Variants in SPPL3 observed in about 807,000 individuals in gnomAD.
SPPL3 encodes the protein signal peptide peptidase like 3.
In SPPL3, 5 loss-of-function variants were observed where a neutral mutation model predicts 42.4. The observed-to-expected ratio is 0.12, with a 90% CI of 0.06 to 0.25. The LOEUF is 0.25. SPPL3 is among the 10% of genes least tolerant of loss of function. SPPL3 has a pLI of 1.00. For synonymous variants in SPPL3, 195 were observed against 181.8 expected (o/e 1.07, Z -0.58); for missense variants, 235 against 489.0 (o/e 0.48, Z 4.90).
Position 120,850,012 on chromosome 12 carries a change from C to T in SPPL3, c.24-39126G>A, listed in dbSNP as rs77692852. Reference sequence around the variant, plus strand: ...AGAAGTTTTCCTCAGCTGAGTCACCCGGCCATGGAAAACCCCAAGTTTGCA... The same window carrying T: ...AGAAGTTTTCCTCAGCTGAGTCACCTGGCCATGGAAAACCCCAAGTTTGCA... On this transcript the variant is annotated intron_variant, in intron 1 of 10. Coordinates refer to ENST00000353487, the MANE Select transcript of SPPL3 (RefSeq NM_139015.5). Among the ~76,000 whole-genome samples, 923 of 152,242 alleles carry T rather than the reference C, an allele frequency of 6.1e-3. 11 individuals are homozygous for T. The highest frequency in any genetic ancestry group is 0.019 in the African/African-American group (810 of 41,542).
chr12:120,876,806 CAT>C (rs1288300894), intron 1 of SPPL3, among the ~76,000 whole-genome samples: 5 of 53,134 alleles, frequency 9.4e-5, no homozygotes, highest in South Asian at 7.3e-4. Context: ...TTGAGAAACA[CAT>C]ACACACACAC....
At chr12:120,835,362 A>G (rs1871576977) in intron 1 of SPPL3, 1 of 152,252 alleles carries the variant, frequency 6.6e-6, no homozygotes, top group Non-Finnish European at 1.5e-5. Flanking sequence ...AGCCCTTGCT[A>G]AACAGTAGTT....
At chr12:120,843,408 C>T (rs2137027794) in intron 1 of SPPL3, among the ~76,000 whole-genome samples, 1 of 152,248 alleles carries the variant, frequency 6.6e-6, no homozygotes, top group Middle Eastern at 3.4e-3. Flanking sequence ...GACTGATGCT[C>T]AAAGCCAATA....
intron 2 of SPPL3, among the ~76,000 whole-genome samples, chr12:120,794,044 TCA>T (rs1491296227): frequency 1.3e-5 from 2 of 152,220 alleles, no homozygotes; most frequent in Admixed American, 6.5e-5. Context: ...TGCAGTTCTC[TCA>T]GTTTTTGCTT....
chr12:120,791,676 C>T, intron 2 of SPPL3, 119 bp from the exon 3 acceptor site: 1 of 669,460 alleles, frequency 1.5e-6, no homozygotes, highest in South Asian at 1.7e-5. Context: ...TTTTGAACAA[C>T]TCTGAAAAAT....
chr12:120,862,375 T>C (rs1872639009), intron 1 of SPPL3, among the ~76,000 whole-genome samples: 1 of 152,140 alleles, frequency 6.6e-6, no homozygotes, highest in Non-Finnish European at 1.5e-5. Context: ...GCCCTGCATG[T>C]TAAGGGCTAG....
At chr12:120,864,850 T>C (rs1289069867) in intron 1 of SPPL3, among the ~76,000 whole-genome samples, 1 of 152,120 alleles carries the variant, frequency 6.6e-6, no homozygotes, top group Non-Finnish European at 1.5e-5. Context: ...TGTCAAGAGT[T>C]AACCAAAGGA....
chr12:120,784,341 G>T, intron 4 of SPPL3, 133 bp downstream of exon 4: 1 of 914,164 alleles, frequency 1.1e-6, no homozygotes. Flanking sequence ...GGTTGAGACG[G>T]AGAAGGCGAA....
intron 1 of SPPL3, among the ~76,000 whole-genome samples, chr12:120,864,127 A>G (rs1483395387): frequency 6.6e-6 from 1 of 152,178 alleles, no homozygotes; most frequent in East Asian, 1.9e-4. Flanking sequence ...TGCACTGGTA[A>G]GTTAATATTT....
chr12:120,826,074 A>T (rs560101583), intron 1 of SPPL3, among the ~76,000 whole-genome samples: 48 of 151,950 alleles, frequency 3.2e-4, no homozygotes, highest in African/African-American at 1.0e-3. Context: ...CAGGAGGATT[A>T]CCTGAGGTTG....
chr12:120,884,808 G>GGGTT (rs35074232), intron 1 of SPPL3, among the ~76,000 whole-genome samples: 51,398 of 137,018 alleles, frequency 0.38, 11,108 homozygotes, highest in Middle Eastern at 0.53. Flanking sequence ...TTTTTTTTGG[G>GGGTT]TTTTTTTTTT....
intron 2 of SPPL3, among the ~76,000 whole-genome samples, chr12:120,807,411 C>T (rs111666286): frequency 0.042 from 6,343 of 152,194 alleles, 185 homozygotes; most frequent in South Asian, 0.11. Context: ...CTCGGTGGCT[C>T]ATGCCTGTAA....
At chr12:120,783,649 T>C in intron 5 of SPPL3, 25 bp downstream of exon 5, 1 of 1,572,282 alleles carries the variant, frequency 6.4e-7, no homozygotes, top group Non-Finnish European at 8.6e-7. Flanking sequence ...GTTTATAATT[T>C]AAGAGGAAAG....
chr12:120,824,558 C>T (rs1395779135), intron 1 of SPPL3, among the ~76,000 whole-genome samples: 3 of 152,148 alleles, frequency 2.0e-5, no homozygotes, highest in Non-Finnish European at 2.9e-5. Context: ...GAGACAAGGT[C>T]TCACTCTGTC....
At chr12:120,817,855 C>G (rs1870932453) in intron 1 of SPPL3, among the ~76,000 whole-genome samples, 1 of 152,090 alleles carries the variant, frequency 6.6e-6, no homozygotes, top group Admixed American at 6.5e-5. Flanking sequence ...CTGTTCTTTG[C>G]CCACACAAAG....
intron 1 of SPPL3, among the ~76,000 whole-genome samples, chr12:120,866,710 C>G (rs1046371451): frequency 9.8e-5 from 15 of 152,324 alleles, no homozygotes; most frequent in African/African-American, 3.4e-4. Flanking sequence ...AAAGTTTGAA[C>G]TGAAACTTTC....
chr12:120,824,530 T>TA (rs1297610517), intron 1 of SPPL3, among the ~76,000 whole-genome samples: 2 of 152,130 alleles, frequency 1.3e-5, no homozygotes, highest in Non-Finnish European at 2.9e-5. Flanking sequence ...ATGGTTTTCT[T>TA]AAACTTTTAT....
intron 1 of SPPL3, among the ~76,000 whole-genome samples, chr12:120,882,904 TCA>T (rs1303497675): frequency 2.0e-5 from 3 of 147,538 alleles, no homozygotes; most frequent in African/African-American, 7.5e-5. Flanking sequence ...TTAAAACCAA[TCA>T]CAGAGGTAAT....
At chr12:120,819,536 C>G (rs912132166) in intron 1 of SPPL3, among the ~76,000 whole-genome samples, 1 of 152,080 alleles carries the variant, frequency 6.6e-6, no homozygotes, top group African/African-American at 2.4e-5. Flanking sequence ...TCACTTGATT[C>G]GTTTTTGAGA....
Sources: allele counts gnomAD v4.1 joint callset (sites outside exome capture counted in the v4.1 genomes callset), GRCh38; gene constraint gnomAD v4.1.1; transcripts MANE v1.5; gene names NCBI Gene and HGNC (gene_info 2026-07-23, HGNC 2026-07-21).